VPS26C: variants seen among roughly 807,000 people sequenced by gnomAD.
VPS26C encodes vacuolar protein sorting-associated protein 26C.
In VPS26C, 19 loss-of-function variants were observed where a neutral mutation model predicts 30.6. That is an observed-to-expected ratio of 0.62 (90% CI 0.43 to 0.91). The LOEUF is 0.91. Ranked by LOEUF, VPS26C falls within the 40% of genes least tolerant of loss-of-function variation. The probability of loss-of-function intolerance (pLI) is 0.00; values close to 1 mark genes in which losing one functional copy is unlikely to be tolerated. For synonymous variants in VPS26C, 132 were observed against 151.5 expected, an observed-to-expected ratio of 0.87 and a Z score of 0.95; for missense variants, 318 against 385.1, an observed-to-expected ratio of 0.83 and a Z score of 1.46.
chr21:37,224,273 T>A lies in VPS26C; in HGVS notation c.*1271A>T, dbSNP rs987916530. ...ACTGCTGGGCACAGTGGCTCACACC[T>A]GTAATCTCAGCACTTTGGGAGGCCA... On this transcript the variant is annotated 3_prime_UTR_variant, in exon 8 of 8. Coordinates refer to ENST00000309117, the MANE Select transcript of VPS26C (RefSeq NM_006052.2). The A allele has an allele frequency of 6.6e-6, 1 of 152,322 alleles. No homozygotes were observed. Among genetic ancestry groups the A allele is most frequent in the Non-Finnish European group, 1.5e-5 (1 of 68,134 alleles). 9.4% of individuals were successfully genotyped at this position (152,322 alleles called of 1,614,324 possible).
intron 3 of VPS26C, 67 bp downstream of exon 3, chr21:37,238,393 G>A: frequency 6.4e-7 from 1 of 1,560,908 alleles, no homozygotes; most frequent in South Asian, 1.2e-5. Flanking sequence ...AACGTTGAGA[G>A]AAAGACCACA....
rs147301229 is a variant in VPS26C at position 37,235,246 on chromosome 21, C to T, written c.352-1804G>A. On this transcript the variant is annotated intron_variant, in intron 3 of 7. Transcript: ENST00000309117. Reference sequence around the variant, plus strand: ...GTCTTGACCTCAGGTGATCCACATGCCTTGGCCTTCCAAAGTGCTGGGATT... The same window carrying T: ...GTCTTGACCTCAGGTGATCCACATGTCTTGGCCTTCCAAAGTGCTGGGATT... Among the ~76,000 whole-genome samples, 376 of 152,272 alleles carry T rather than the reference C, an allele frequency of 2.5e-3. 5 individuals carry two copies. Among genetic ancestry groups the T allele is most frequent in the African/African-American group, 8.4e-3 (349 of 41,560 alleles).
chr21:37,225,692 C>G (rs2148279112), intron 7 of VPS26C, 66 bp from the exon 8 acceptor site: 2 of 1,356,580 alleles, frequency 1.5e-6, no homozygotes, highest in Non-Finnish European at 2.1e-6. Context: ...CACGCCGCCA[C>G]CACTGCAGTC....
At chr21:37,248,501 GCTGA>G (rs945893279) in intron 1 of VPS26C, among the ~76,000 whole-genome samples, 17 of 152,170 alleles carry the variant, frequency 1.1e-4, no homozygotes, top group East Asian at 1.9e-4. Flanking sequence ...AATTTGAAAA[GCTGA>G]CTAAGTGAAT....
intron 1 of VPS26C, among the ~76,000 whole-genome samples, chr21:37,255,775 G>A (rs2086235421): frequency 1.3e-5 from 2 of 151,630 alleles, no homozygotes; most frequent in Admixed American, 1.3e-4. Context: ...CAGTAAACTG[G>A]TGGGTCTGTA....
chr21:37,249,957 A>G (rs2086174793), intron 1 of VPS26C, among the ~76,000 whole-genome samples: 1 of 152,172 alleles, frequency 6.6e-6, no homozygotes, highest in South Asian at 2.1e-4. Flanking sequence ...TAGGGAAGAG[A>G]GGGAATATTC....
intron 1 of VPS26C, among the ~76,000 whole-genome samples, chr21:37,243,526 G>A (rs1309022934): frequency 2.0e-5 from 3 of 152,212 alleles, no homozygotes; most frequent in Non-Finnish European, 2.9e-5. Context: ...GCGTCACCAA[G>A]AGCCAACCCC....
At chr21:37,256,629 T>G (rs925766732) in intron 1 of VPS26C, among the ~76,000 whole-genome samples, 4 of 152,226 alleles carry the variant, frequency 2.6e-5, no homozygotes, top group Non-Finnish European at 4.4e-5. Flanking sequence ...AGCCTGGATT[T>G]GTTTTCTGCC....
chr21:37,264,393 A>G (rs2148313643), intron 1 of VPS26C, among the ~76,000 whole-genome samples: 1 of 152,302 alleles, frequency 6.6e-6, no homozygotes, highest in Non-Finnish European at 1.5e-5. Context: ...ACCCGCAGGA[A>G]GTGGTCCTGG....
intron 1 of VPS26C, among the ~76,000 whole-genome samples, chr21:37,259,931 C>A (rs9976252): frequency 0.34 from 50,976 of 152,046 alleles, 9,020 homozygotes; most frequent in East Asian, 0.51. Context: ...ATGCCACCAC[C>A]TATTACTGCG....
intron 1 of VPS26C, among the ~76,000 whole-genome samples, chr21:37,256,410 A>G (rs1188757952): frequency 3.3e-5 from 5 of 152,224 alleles, no homozygotes; most frequent in Non-Finnish European, 5.9e-5. Context: ...TTTATAAAAT[A>G]AAGTATTTTA....
In VPS26C at chr21:37,240,490, TCTTAC is replaced by T; in HGVS notation, c.201+1_201+5del. On this transcript the variant is annotated splice_donor_variant and splice_donor_5th_base_variant and intron_variant, in intron 2 of 7. Coordinates refer to ENST00000309117, the MANE Select transcript of VPS26C (RefSeq NM_006052.2). LOFTEE classifies it high-confidence loss of function. Reference sequence around the variant, plus strand: ...AAAAACTTGCAATCTAAGCATTCTTTCTTACCTTAACAGAATTATAAAAAGCTTCA... The same window carrying T: ...AAAAACTTGCAATCTAAGCATTCTTTCTTAACAGAATTATAAAAAGCTTCA... The T allele has an allele frequency of 6.2e-7, 1 of 1,613,734 alleles. No homozygotes were observed.
chr21:37,244,195 A>G (rs2086115054), intron 1 of VPS26C, among the ~76,000 whole-genome samples: 1 of 152,258 alleles, frequency 6.6e-6, no homozygotes, highest in Admixed American at 6.5e-5. Context: ...TGGCTCTCAC[A>G]GCGGAAACCA....
chr21:37,240,710 G>A (rs1053054422), intron 1 of VPS26C, 71 bp from the exon 2 acceptor site: 111 of 1,542,542 alleles, frequency 7.2e-5, no homozygotes, highest in Non-Finnish European at 9.3e-5. Context: ...ATTAGCAAAC[G>A]TAGGTCTCCT....
Position 37,230,059 on chromosome 21 carries a change from C to T in VPS26C, c.508-1686G>A, listed in dbSNP as rs2085945528. Among the ~76,000 whole-genome samples, 3 of 152,186 alleles carry T rather than the reference C, an allele frequency of 2.0e-5. No homozygotes were observed. The South Asian group carries it at 6.2e-4, about 32-fold the overall frequency. On this transcript the variant is annotated intron_variant, in intron 5 of 7. Coordinates refer to ENST00000309117, the MANE Select transcript of VPS26C (RefSeq NM_006052.2). ...TTTTTACATTTTTCTTTTGTAGAGA[C>T]AGGTTCTATGTTGCCCACGCTGGTC... is the stretch of plus-strand genomic sequence containing the variant.
At chr21:37,262,891 C>G (rs1031755001) in intron 1 of VPS26C, among the ~76,000 whole-genome samples, 1 of 151,928 alleles carries the variant, frequency 6.6e-6, no homozygotes, top group Admixed American at 6.6e-5. Flanking sequence ...CCTCAGCCTC[C>G]CAAGTAGCTG....
In VPS26C at chr21:37,233,269, G is replaced by A. The variant is rs1033719240; in HGVS notation, c.432+93C>T. ...TCTGCCAGCACCCGTGAAACAGTAAGAGGCTAAATGGTGAGCTTGTAAATA... is the reference window on the plus strand; with the variant it reads ...TCTGCCAGCACCCGTGAAACAGTAAAAGGCTAAATGGTGAGCTTGTAAATA... On this transcript the variant is annotated intron_variant, in intron 4 of 7. Transcript: ENST00000309117. The surrounding 1 kb of genome is among the most constrained non-coding windows in gnomAD (Gnocchi z 5.2). 4.5e-6 allele frequency: 5 copies of A among 1,106,488 alleles called. No individual in the cohort carries two copies. The highest frequency in any genetic ancestry group is 6.9e-6 in the Non-Finnish European group (5 of 728,150). 68.5% of individuals were successfully genotyped at this position (1,106,488 alleles called of 1,614,324 possible).
chr21:37,234,096 G>C (rs984762726), intron 3 of VPS26C, among the ~76,000 whole-genome samples: 2 of 152,246 alleles, frequency 1.3e-5, no homozygotes, highest in African/African-American at 2.4e-5. Flanking sequence ...CTGGGCACCA[G>C]AGCCAAGCTC....
At chr21:37,249,290 T>C (rs1201831655) in intron 1 of VPS26C, among the ~76,000 whole-genome samples, 3 of 152,156 alleles carry the variant, frequency 2.0e-5, no homozygotes, top group Non-Finnish European at 4.4e-5. Context: ...ACAATGAGTG[T>C]ATACCTGAAG....
Sources: gnomAD v4.1 joint callset for allele counts (sites outside exome capture counted in the v4.1 genomes callset) on GRCh38, gnomAD v4.1.1 for gene constraint, Gnocchi (gnomAD v3.1) non-coding constraint, MANE v1.5 for transcripts, NCBI Gene and HGNC (gene_info 2026-07-23, HGNC 2026-07-21) for gene names.